The following GAS2L3 variants were observed in gnomAD, a reference collection of about 807,000 sequenced individuals.
The protein encoded by GAS2L3 is growth arrest specific 2 like 3.
GAS2L3 carries 28 observed loss-of-function variants against 37.0 expected under a neutral mutation model. That is an observed-to-expected ratio of 0.76 (90% confidence interval 0.56 to 1.04). The LOEUF (loss-of-function observed/expected upper bound fraction) is 1.04, where lower values mean the gene tolerates loss of function less well. GAS2L3 is among the 50% of genes least tolerant of loss of function. The pLI, the probability that GAS2L3 is intolerant of heterozygous loss-of-function variation, is 0.00. For synonymous variants in GAS2L3, 290 were observed against 296.6 expected (o/e 0.98, Z 0.23); for missense variants, 793 against 817.6 (o/e 0.97, Z 0.37).
At chr12:100,598,638 TA>T (rs2136456608) in intron 3 of GAS2L3, among the ~76,000 whole-genome samples, 1 of 152,306 alleles carries the variant, frequency 6.6e-6, no homozygotes, top group Admixed American at 6.5e-5. Flanking sequence ...TGTATTCATT[TA>T]TATCTGTGTT....
At chr12:100,578,010 C>A (rs1411907337) in intron 1 of GAS2L3, among the ~76,000 whole-genome samples, 1 of 152,158 alleles carries the variant, frequency 6.6e-6, no homozygotes, top group East Asian at 1.9e-4. Flanking sequence ...AAACACTGGG[C>A]AACCATTAAG....
chr12:100,575,120 T>C (rs1955618979), intron 1 of GAS2L3, among the ~76,000 whole-genome samples: 1 of 152,166 alleles, frequency 6.6e-6, no homozygotes, highest in Non-Finnish European at 1.5e-5. Context: ...TAATAATAGT[T>C]CCTACTTTAT....
intron 5 of GAS2L3, among the ~76,000 whole-genome samples, chr12:100,611,713 C>A (rs1956128855): frequency 6.6e-6 from 1 of 152,120 alleles, no homozygotes; most frequent in African/African-American, 2.4e-5. Context: ...CATCGCTGAT[C>A]TGACAGGCAG....
intron 5 of GAS2L3, among the ~76,000 whole-genome samples, chr12:100,608,998 A>G (rs1956093208): frequency 6.6e-6 from 1 of 152,174 alleles, no homozygotes; most frequent in Non-Finnish European, 1.5e-5. Flanking sequence ...ACAGAACCCA[A>G]GGGCTCTTTA....
At chr12:100,622,243 A>T in intron 8 of GAS2L3, 32 bp from the exon 9 acceptor site, 1 of 1,182,444 alleles carries the variant, frequency 8.5e-7, no homozygotes, top group Non-Finnish European at 1.2e-6. Context: ...TTTTTGTGAC[A>T]AGCACTAAAT....
At chr12:100,603,123 C>T (rs938308332) in intron 5 of GAS2L3, among the ~76,000 whole-genome samples, 4 of 152,128 alleles carry the variant, frequency 2.6e-5, no homozygotes, top group Non-Finnish European at 5.9e-5. Flanking sequence ...CAGATAGTCT[C>T]TTTAATATAC....
chr12:100,577,763 G>C (rs1427210874), intron 1 of GAS2L3, among the ~76,000 whole-genome samples: 1 of 152,234 alleles, frequency 6.6e-6, no homozygotes, highest in Non-Finnish European at 1.5e-5. Flanking sequence ...TTGGGGAGAT[G>C]ATTCAGGGAA....
intron 1 of GAS2L3, among the ~76,000 whole-genome samples, chr12:100,585,503 C>T (rs1955768981): frequency 6.6e-6 from 1 of 152,152 alleles, no homozygotes; most frequent in Non-Finnish European, 1.5e-5. Context: ...ATCCACCCAC[C>T]TTGGCCTCCC....
rs184447055 is a variant in GAS2L3, at chr12:100,624,813, A to T, written c.2008A>T (p.Lys670Ter). The T allele has an allele frequency of 6.2e-7, 1 of 1,613,544 alleles. No homozygotes were observed. The highest frequency in any genetic ancestry group is 1.1e-5 in the South Asian group (1 of 90,998). Residue 670 changes from lysine to a stop codon, truncating the protein, a stop_gained, in exon 10 of 10, where the codon AAA becomes TAA. Transcript: ENST00000547754. LOFTEE classifies it high-confidence loss of function. Reference sequence around the variant, plus strand: ...TGTTAAGGATGCAGATAGTGGAGATAAAAAACCTACTGCAAAGAAAAAGGA... The same window carrying T: ...TGTTAAGGATGCAGATAGTGGAGATTAAAAACCTACTGCAAAGAAAAAGGA... The part of the protein sequence containing the change: ...SSVKDADSGD[K>*]KPTAKKKEDD...
chr12:100,600,108 T>G (rs1189486309), intron 3 of GAS2L3, among the ~76,000 whole-genome samples: 1 of 152,176 alleles, frequency 6.6e-6, no homozygotes, highest in Non-Finnish European at 1.5e-5. Context: ...GTGCCTGTGC[T>G]CTCAGCTACT....
chr12:100,594,620 T>G (rs1289520688), intron 2 of GAS2L3, among the ~76,000 whole-genome samples: 1 of 151,982 alleles, frequency 6.6e-6, no homozygotes, highest in Non-Finnish European at 1.5e-5. Flanking sequence ...GTTCAAGAAT[T>G]ACTTTGATGC....
Position 100,594,899 on chromosome 12 carries a change from G to A in GAS2L3, c.-6G>A. On this transcript the variant is annotated 5_prime_UTR_variant, in exon 3 of 10. In the 5' UTR this introduces an upstream ATG that the reference lacks. Transcript: ENST00000547754. ...GAAAAGAAATTTCATTTCAATATAG[G>A]TGACTATGCAGCCTGCAATTCAAGT... The A allele has an allele frequency of 7.4e-7, 1 of 1,345,970 alleles. No individual in the cohort carries two copies. Among genetic ancestry groups the A allele is most frequent in the Non-Finnish European group, 1.0e-6 (1 of 992,008 alleles). The allele number at this position is 1,345,970 out of a possible 1,614,324, so 83.4% of individuals were successfully genotyped here.
At chr12:100,587,565 G>T (rs566450947) in intron 1 of GAS2L3, among the ~76,000 whole-genome samples, 19 of 152,238 alleles carry the variant, frequency 1.2e-4, no homozygotes, top group African/African-American at 4.1e-4. Flanking sequence ...AGCAAAATCG[G>T]CATACAAGGG....
At chr12:100,601,811 ACTT>A in intron 5 of GAS2L3, 58 bp downstream of exon 5, 1 of 822,462 alleles carries the variant, frequency 1.2e-6, no homozygotes, top group Non-Finnish European at 2.0e-6. Context: ...ATTTATGTAC[ACTT>A]CTTATCTCTA....
intron 3 of GAS2L3, among the ~76,000 whole-genome samples, chr12:100,599,486 T>G (rs1565804141): frequency 2.0e-5 from 3 of 152,214 alleles, no homozygotes; most frequent in Admixed American, 2.0e-4. Flanking sequence ...CATTTTAAAA[T>G]GTACAAACTA....
At chr12:100,574,268 C>G (rs145279354) in intron 1 of GAS2L3, among the ~76,000 whole-genome samples, 129 of 152,270 alleles carry the variant, frequency 8.5e-4, no homozygotes, top group African/African-American at 3.1e-3. Flanking sequence ...AAGTCTCTGG[C>G]CCTGCAAAGA....
At chr12:100,613,388 A>C (rs752432716) in intron 6 of GAS2L3, among the ~76,000 whole-genome samples, 1 of 152,194 alleles carries the variant, frequency 6.6e-6, no homozygotes, top group African/African-American at 2.4e-5. Flanking sequence ...CTAGCAACTC[A>C]AAGCTATTTT....
chr12:100,575,474 C>CTTTT (rs1377658474), intron 1 of GAS2L3, among the ~76,000 whole-genome samples: 12 of 98,642 alleles, frequency 1.2e-4, no homozygotes, highest in Admixed American at 4.6e-4. Flanking sequence ...CATGTTATCT[C>CTTTT]TATTTTTTTT....
intron 3 of GAS2L3, among the ~76,000 whole-genome samples, chr12:100,598,213 C>A (rs1313211852): frequency 6.6e-6 from 1 of 152,112 alleles, no homozygotes; most frequent in Non-Finnish European, 1.5e-5. Flanking sequence ...TCAAGTGTTG[C>A]CAGTTGTCTC....
Sources: allele counts gnomAD v4.1 joint callset (sites outside exome capture counted in the v4.1 genomes callset), GRCh38; gene constraint gnomAD v4.1.1; transcripts MANE v1.5; gene names NCBI Gene and HGNC (gene_info 2026-07-23, HGNC 2026-07-21).